Variants in ACTR3B observed in about 807,000 individuals in gnomAD.
ACTR3B encodes actin-related protein 3B.
Under a neutral mutation model 59.0 loss-of-function variants are expected in ACTR3B, and 8 were observed. The observed-to-expected ratio is 0.14, with a 90% CI of 0.08 to 0.24. The LOEUF (loss-of-function observed/expected upper bound fraction) is 0.24. Ranked by LOEUF, ACTR3B falls within the 10% of genes least tolerant of loss-of-function variation. ACTR3B has a pLI of 1.00. For synonymous variants in ACTR3B, 148 were observed against 197.9 expected (o/e 0.75, Z 2.12); for missense variants, 245 against 552.3 (o/e 0.44, Z 5.58).
intron 1 of ACTR3B, among the ~76,000 whole-genome samples, chr7:152,774,246 G>A (rs3107849): frequency 6.6e-6 from 1 of 152,002 alleles, no homozygotes; most frequent in Non-Finnish European, 1.5e-5. Context: ...AAGCGATTCT[G>A]CTGTCTCAGC....
chr7:152,817,194 G>A (rs1191058288), intron 6 of ACTR3B, among the ~76,000 whole-genome samples: 3 of 152,180 alleles, frequency 2.0e-5, no homozygotes, highest in Non-Finnish European at 4.4e-5. Context: ...AGACCTGCCT[G>A]ACCAACATGG....
chr7:152,787,063 G>A (rs1321968689), intron 2 of ACTR3B, among the ~76,000 whole-genome samples: 4 of 152,114 alleles, frequency 2.6e-5, no homozygotes, highest in Non-Finnish European at 5.9e-5. Flanking sequence ...GTCACAGAGC[G>A]TACACCCCTT....
At chr7:152,762,174 CTGAGTA>C (rs1273762230) in intron 1 of ACTR3B, among the ~76,000 whole-genome samples, 3 of 152,092 alleles carry the variant, frequency 2.0e-5, no homozygotes, top group Non-Finnish European at 2.9e-5. Flanking sequence ...CCGAGACTAC[CTGAGTA>C]AGCAGTGATG....
At chr7:152,829,968 G>A (rs1017514903) in intron 9 of ACTR3B, among the ~76,000 whole-genome samples, 3 of 152,152 alleles carry the variant, frequency 2.0e-5, no homozygotes, top group South Asian at 2.1e-4. Flanking sequence ...GAGATGATTC[G>A]GTTCTTGCCT....
At chr7:152,831,449 T>C (rs1233322644) in intron 9 of ACTR3B, among the ~76,000 whole-genome samples, 1 of 152,112 alleles carries the variant, frequency 6.6e-6, no homozygotes, top group Non-Finnish European at 1.5e-5. Flanking sequence ...CCAGTGGTGC[T>C]CGGTGGTGAT....
intron 9 of ACTR3B, among the ~76,000 whole-genome samples, chr7:152,846,275 G>T (rs1283533830): frequency 6.7e-6 from 1 of 149,774 alleles, no homozygotes; most frequent in African/African-American, 2.5e-5. Flanking sequence ...CCAGCGCCCG[G>T]GCTGCAGTCT....
intron 4 of ACTR3B, among the ~76,000 whole-genome samples, chr7:152,803,296 C>T (rs184340275): frequency 1.3e-5 from 2 of 152,306 alleles, no homozygotes; most frequent in East Asian, 1.9e-4. Context: ...GATCCTCCCA[C>T]TTTAGCCTCC....
intron 1 of ACTR3B, among the ~76,000 whole-genome samples, chr7:152,770,161 C>T (rs951279957): frequency 2.0e-5 from 3 of 151,776 alleles, no homozygotes; most frequent in Non-Finnish European, 2.9e-5. Context: ...AACACTACTT[C>T]CTGGAACCTC....
At chr7:152,778,113 C>A (rs1327033825) in intron 1 of ACTR3B, among the ~76,000 whole-genome samples, 1 of 150,992 alleles carries the variant, frequency 6.6e-6, no homozygotes, top group African/African-American at 2.4e-5. Context: ...AATAAGGATT[C>A]TTCTAGTGTT....
At chr7:152,817,819 T>G (rs966722827) in intron 6 of ACTR3B, among the ~76,000 whole-genome samples, 9 of 152,250 alleles carry the variant, frequency 5.9e-5, no homozygotes, top group African/African-American at 2.2e-4. Flanking sequence ...CATTTCATTT[T>G]GAGAAGGTGA....
rs564930565 is a variant in ACTR3B, at chr7:152,847,206, C to T, written c.952-4920C>T. Among the ~76,000 whole-genome samples, 156 of 149,568 alleles carry T rather than the reference C, an allele frequency of 1.0e-3. 1 individual carries two copies. The Middle Eastern group carries it at 0.011, about 10-fold the overall frequency. On this transcript the variant is annotated intron_variant, in intron 9 of 11. Transcript: ENST00000256001. ...GTAGTCTGTAGTGAGCCCCAGTGTC[C>T]GGGCTGTAGTCTGCAGTGAGCTCTA...
chr7:152,790,636 T>C (rs1217157810), intron 2 of ACTR3B, among the ~76,000 whole-genome samples: 2 of 152,120 alleles, frequency 1.3e-5, no homozygotes, highest in African/African-American at 4.8e-5. Context: ...TTTGTCTGGT[T>C]GTGTATCAGG....
At chr7:152,771,798 G>A (rs2098124582) in intron 1 of ACTR3B, among the ~76,000 whole-genome samples, 2 of 152,152 alleles carry the variant, frequency 1.3e-5, no homozygotes, top group African/African-American at 4.8e-5. Flanking sequence ...AAGATAGGCC[G>A]GGCACGGTGG....
chr7:152,822,989 T>C (rs1796295025), intron 7 of ACTR3B, among the ~76,000 whole-genome samples: 1 of 152,140 alleles, frequency 6.6e-6, no homozygotes, highest in African/African-American at 2.4e-5. Context: ...CACAGTGAGG[T>C]GCCAGAGCAG....
At position 152,823,448 on chromosome 7, in the gene ACTR3B, A is replaced by G; in HGVS notation, c.791A>G (p.Gln264Arg). 6.2e-7 allele frequency: 1 copy of G among 1,614,242 alleles called. No homozygotes were observed. The highest frequency in any genetic ancestry group is 8.5e-7 in the Non-Finnish European group (1 of 1,180,046). ...KQYTGINAINQKKFVIDVGYE... is the reference protein window; with the variant it reads ...KQYTGINAINRKKFVIDVGYE... ...TACACGGGTATCAATGCGATCAACC[A>G]GAAGAAGTTTGTTATAGACGTTGGT... The change falls in exon 8 of 12, where the codon CAG becomes CGG. Residue 264 changes from glutamine to arginine, a missense_variant. Transcript: ENST00000256001.
chr7:152,831,551 A>T (rs13310946), intron 9 of ACTR3B, among the ~76,000 whole-genome samples: 3 of 152,190 alleles, frequency 2.0e-5, no homozygotes, highest in Non-Finnish European at 1.5e-5. Context: ...AACTTTAACT[A>T]TTGTGAGTTA....
At chr7:152,763,734 T>G (rs1438963339) in intron 1 of ACTR3B, among the ~76,000 whole-genome samples, 1 of 152,242 alleles carries the variant, frequency 6.6e-6, no homozygotes, top group African/African-American at 2.4e-5. Flanking sequence ...CATTGGTGAT[T>G]CTTGCCTGAA....
At chr7:152,793,328 GTTT>G (rs200549274) in intron 2 of ACTR3B, among the ~76,000 whole-genome samples, 3 of 60,606 alleles carry the variant, frequency 4.9e-5, no homozygotes, top group Admixed American at 1.8e-4. Context: ...TCTGGGCTCT[GTTT>G]TTTTTTTTTT....
At chr7:152,848,381 C>G (rs1040685576) in intron 9 of ACTR3B, among the ~76,000 whole-genome samples, 1 of 152,128 alleles carries the variant, frequency 6.6e-6, no homozygotes, top group African/African-American at 2.4e-5. Context: ...TGCCAGAGAG[C>G]GAGGCTGGAG....
Sources: gnomAD v4.1 joint callset for allele counts (sites outside exome capture counted in the v4.1 genomes callset) on GRCh38, gnomAD v4.1.1 for gene constraint, MANE v1.5 for transcripts, NCBI Gene and HGNC (gene_info 2026-07-23, HGNC 2026-07-21) for gene names.